CDYL2: variants seen among roughly 807,000 people sequenced by gnomAD.
The protein encoded by CDYL2 is chromodomain Y-like protein 2.
A neutral mutation model predicts 49.4 loss-of-function variants in CDYL2; 23 were observed. The ratio of observed to expected loss-of-function variants is 0.47; its 90% CI spans 0.34 to 0.66. The LOEUF (loss-of-function observed/expected upper bound fraction) is 0.66. CDYL2 is among the 30% of genes least tolerant of loss of function. The pLI is 0.01. For synonymous variants in CDYL2, 360 were observed against 268.8 expected (o/e 1.34, Z -3.32); for missense variants, 678 against 656.4 (o/e 1.03, Z -0.36).
intron 2 of CDYL2, among the ~76,000 whole-genome samples, chr16:80,652,630 G>A (rs542601478): frequency 1.3e-5 from 2 of 152,300 alleles, no homozygotes; most frequent in Middle Eastern, 3.4e-3. Context: ...TAACCCTACA[G>A]TGGAGAAACC....
At chr16:80,712,597 G>A (rs977660718) in intron 1 of CDYL2, among the ~76,000 whole-genome samples, 2 of 152,038 alleles carry the variant, frequency 1.3e-5, no homozygotes, top group Non-Finnish European at 2.9e-5. Flanking sequence ...GGTGGCTGGA[G>A]GCAGAAAGAA....
At chr16:80,635,847 T>C (rs759154123) in intron 2 of CDYL2, among the ~76,000 whole-genome samples, 3 of 152,220 alleles carry the variant, frequency 2.0e-5, no homozygotes, top group Non-Finnish European at 4.4e-5. Flanking sequence ...AACAGCATGG[T>C]ACTGGTACCA....
chr16:80,709,187 C>T (rs535830378), intron 1 of CDYL2, among the ~76,000 whole-genome samples: 4 of 152,060 alleles, frequency 2.6e-5, no homozygotes, highest in Admixed American at 6.5e-5. Flanking sequence ...ATCAAGACCA[C>T]CCTGGCCAAC....
intron 1 of CDYL2, among the ~76,000 whole-genome samples, chr16:80,686,113 T>G (rs930157753): frequency 6.6e-6 from 1 of 152,238 alleles, no homozygotes; most frequent in Admixed American, 6.5e-5. Context: ...CAGGCGATAC[T>G]GGTGGGATTT....
intron 2 of CDYL2, among the ~76,000 whole-genome samples, chr16:80,663,803 G>C (rs904690652): frequency 3.3e-5 from 5 of 152,170 alleles, no homozygotes; most frequent in African/African-American, 1.2e-4. Context: ...ATGTTGCCCA[G>C]ACTGGTCTCG....
chr16:80,646,707 T>A (rs1908361824), intron 2 of CDYL2, among the ~76,000 whole-genome samples: 1 of 152,052 alleles, frequency 6.6e-6, no homozygotes, highest in Admixed American at 6.5e-5. Context: ...GAGAATTGCT[T>A]GAACCAGGGA....
chr16:80,773,310 A>G (rs1268459239), intron 1 of CDYL2, among the ~76,000 whole-genome samples: 1 of 152,166 alleles, frequency 6.6e-6, no homozygotes, highest in African/African-American at 2.4e-5. Context: ...AAAAATTGGC[A>G]AAACTATACC....
At chr16:80,677,111 C>T (rs375659358) in intron 2 of CDYL2, among the ~76,000 whole-genome samples, 2 of 151,966 alleles carry the variant, frequency 1.3e-5, no homozygotes, top group South Asian at 4.2e-4. Context: ...GCTGGGACTA[C>T]AGGCATGTGC....
Position 80,746,266 on chromosome 16 carries a change from T to C in CDYL2, c.24+57884A>G, listed in dbSNP as rs9940261. The stretch of plus-strand genomic sequence containing the variant: ...TGAGCAAAAGCACAGGCTGAGAACA[T>C]AATAAATTGATACCAAATTATCCTA... On this transcript the variant is annotated intron_variant, in intron 1 of 6. Coordinates refer to ENST00000570137, the MANE Select transcript of CDYL2 (RefSeq NM_152342.4). Among the ~76,000 whole-genome samples, 426 of 152,274 alleles carry C rather than the reference T, an allele frequency of 2.8e-3. 2 individuals are homozygous for C. Among genetic ancestry groups the C allele is most frequent in the African/African-American group, 1.0e-2 (414 of 41,544 alleles).
At chr16:80,682,404 G>T (rs1273778796) in intron 2 of CDYL2, among the ~76,000 whole-genome samples, 1 of 152,250 alleles carries the variant, frequency 6.6e-6, no homozygotes, top group East Asian at 1.9e-4. Context: ...TGCTTGTGGG[G>T]TACCATGCCT....
intron 1 of CDYL2, among the ~76,000 whole-genome samples, chr16:80,772,955 A>C (rs752785019): frequency 6.6e-6 from 1 of 152,186 alleles, no homozygotes; most frequent in Non-Finnish European, 1.5e-5. Context: ...TTTAAGCTCA[A>C]ATATATGTAT....
intron 1 of CDYL2, among the ~76,000 whole-genome samples, chr16:80,752,408 G>A (rs959557576): frequency 1.3e-5 from 2 of 151,972 alleles, no homozygotes; most frequent in African/African-American, 2.4e-5. Context: ...AAAGAACATC[G>A]AGTCACAAAA....
intron 1 of CDYL2, among the ~76,000 whole-genome samples, chr16:80,761,918 G>A (rs536849725): frequency 2.7e-5 from 4 of 150,004 alleles, no homozygotes; most frequent in Admixed American, 1.3e-4. Flanking sequence ...GCCAGGCACG[G>A]TGGTGCACAA....
intron 1 of CDYL2, among the ~76,000 whole-genome samples, chr16:80,773,686 C>T (rs1040271499): frequency 6.6e-6 from 1 of 151,742 alleles, no homozygotes; most frequent in Non-Finnish European, 1.5e-5. Context: ...AAGAAATATA[C>T]GTCGAAACAA....
At chr16:80,712,309 C>T (rs1405092308) in intron 1 of CDYL2, among the ~76,000 whole-genome samples, 2 of 151,394 alleles carry the variant, frequency 1.3e-5, no homozygotes, top group African/African-American at 4.9e-5. Flanking sequence ...AACGTAGCCA[C>T]TGGATCACCT....
chr16:80,616,501 G>A (rs1239428634), intron 4 of CDYL2, among the ~76,000 whole-genome samples: 1 of 152,154 alleles, frequency 6.6e-6, no homozygotes, highest in Non-Finnish European at 1.5e-5. Flanking sequence ...TGGAGCAATC[G>A]GCATTTCTCC....
chr16:80,765,084 T>C (rs1343121796), intron 1 of CDYL2, among the ~76,000 whole-genome samples: 1 of 146,386 alleles, frequency 6.8e-6, no homozygotes, highest in Non-Finnish European at 1.5e-5. Context: ...AAGAATTTAG[T>C]TCCTCATATA....
At chr16:80,640,706 G>A (rs948961253) in intron 2 of CDYL2, among the ~76,000 whole-genome samples, 3 of 152,078 alleles carry the variant, frequency 2.0e-5, no homozygotes, top group Non-Finnish European at 4.4e-5. Flanking sequence ...AAATAACACA[G>A]AGAAGGAATT....
intron 1 of CDYL2, among the ~76,000 whole-genome samples, chr16:80,717,603 C>A (rs140345413): frequency 1.3e-5 from 2 of 152,148 alleles, no homozygotes; most frequent in Non-Finnish European, 2.9e-5. Flanking sequence ...GGAGACTGAA[C>A]CAGACACCTT....
Sources: gnomAD v4.1 joint callset for allele counts (sites outside exome capture counted in the v4.1 genomes callset) on GRCh38, gnomAD v4.1.1 for gene constraint, MANE v1.5 for transcripts, NCBI Gene and HGNC (gene_info 2026-07-23, HGNC 2026-07-21) for gene names.